The following CLIC5 variants were observed in gnomAD, a reference collection of about 807,000 sequenced individuals.
The protein encoded by CLIC5 is CLIC family member 5.
A neutral mutation model predicts 24.7 loss-of-function variants in CLIC5; 20 were observed. The ratio of observed to expected loss-of-function variants is 0.81; its 90% CI spans 0.57 to 1.18. The LOEUF is 1.18. CLIC5 is among the 50% of genes most tolerant of loss of function. CLIC5 has a pLI of 0.00. For synonymous variants in CLIC5, 159 were observed against 135.6 expected, an observed-to-expected ratio of 1.17 and a Z score of -1.20; for missense variants, 341 against 326.1, an observed-to-expected ratio of 1.05 and a Z score of -0.35.
intron 1 of CLIC5, among the ~76,000 whole-genome samples, chr6:45,956,688 G>A (rs1002521703): frequency 5.3e-5 from 8 of 152,088 alleles, no homozygotes; most frequent in Admixed American, 4.6e-4. Flanking sequence ...TGGAACTTTT[G>A]ACAGTGTTGG....
At chr6:46,089,172 C>T in the CLIC5 span, among the ~76,000 whole-genome samples, 2 of 152,056 alleles carry the variant, frequency 1.3e-5, no homozygotes, top group East Asian at 3.9e-4. Flanking sequence ...GAAAAAGCAA[C>T]CATCAAGGTT....
At chr6:45,927,506 G>A (rs570106439) in intron 4 of CLIC5, among the ~76,000 whole-genome samples, 19 of 152,260 alleles carry the variant, frequency 1.2e-4, no homozygotes, top group African/African-American at 4.6e-4. Context: ...CCCTCTATTT[G>A]TCTAAAAGCA....
At chr6:46,001,392 T>C (rs1766352650) in intron 1 of CLIC5, among the ~76,000 whole-genome samples, 1 of 152,144 alleles carries the variant, frequency 6.6e-6, no homozygotes, top group Non-Finnish European at 1.5e-5. Context: ...GCCTCTCCCC[T>C]CATGTTGCAC....
intron 4 of CLIC5, among the ~76,000 whole-genome samples, chr6:45,936,435 C>A (rs1490137253): frequency 6.6e-6 from 1 of 152,032 alleles, no homozygotes; most frequent in Non-Finnish European, 1.5e-5. Context: ...GAACTCCCAA[C>A]CTCCGGTCAT....
chr6:45,994,700 CA>C (rs1480055069), intron 1 of CLIC5, among the ~76,000 whole-genome samples: 1 of 152,142 alleles, frequency 6.6e-6, no homozygotes, highest in Non-Finnish European at 1.5e-5. Context: ...TAAATCTGGG[CA>C]AGTAAAGGAA....
chr6:45,995,754 G>T (rs1766111404), intron 1 of CLIC5, among the ~76,000 whole-genome samples: 1 of 152,046 alleles, frequency 6.6e-6, no homozygotes, highest in Non-Finnish European at 1.5e-5. Context: ...AAGAAATGTG[G>T]TACACATACA....
chr6:46,037,340 G>A (rs1398737670), intron 1 of CLIC5, among the ~76,000 whole-genome samples: 2 of 152,118 alleles, frequency 1.3e-5, no homozygotes, highest in East Asian at 3.8e-4. Flanking sequence ...TGTATTGTTG[G>A]GTGGAAAGGG....
intron 1 of CLIC5, among the ~76,000 whole-genome samples, chr6:46,055,526 C>T (rs546382777): frequency 6.6e-6 from 1 of 152,372 alleles, no homozygotes; most frequent in South Asian, 2.1e-4. Flanking sequence ...GCGTGAGCCA[C>T]CGCGCCAGGC....
At chr6:46,073,635 T>C (rs1204636753) in intron 1 of CLIC5, among the ~76,000 whole-genome samples, 1 of 152,234 alleles carries the variant, frequency 6.6e-6, no homozygotes, top group East Asian at 1.9e-4. Context: ...GAACATTCTA[T>C]TACTCTTGGT....
chr6:46,084,969 G>A (rs550965196), upstream of CLIC5, among the ~76,000 whole-genome samples: 26 of 152,142 alleles, frequency 1.7e-4, no homozygotes, highest in Middle Eastern at 3.4e-3. Context: ...GGCTTTGTTC[G>A]TTTCTTTTTA....
intron 4 of CLIC5, among the ~76,000 whole-genome samples, chr6:45,926,182 C>T (rs1247802534): frequency 2.0e-5 from 3 of 150,456 alleles, no homozygotes; most frequent in Admixed American, 1.3e-4. Flanking sequence ...AACATATATA[C>T]ACACACACAC....
the CLIC5 span, among the ~76,000 whole-genome samples, chr6:46,120,037 A>G: frequency 6.6e-6 from 1 of 152,076 alleles, no homozygotes; most frequent in Non-Finnish European, 1.5e-5. Flanking sequence ...GGCAGCAAAA[A>G]CCTCTGCAGA....
intron 5 of CLIC5, chr6:45,912,432 A>G: frequency 8.6e-7 from 1 of 1,166,078 alleles, no homozygotes; most frequent in Non-Finnish European, 1.1e-6. Flanking sequence ...GGCTTGGGAG[A>G]TTCATTTGTT....
intron 3 of CLIC5, among the ~76,000 whole-genome samples, chr6:45,943,149 G>C (rs1482679894): frequency 2.0e-5 from 3 of 152,250 alleles, no homozygotes; most frequent in Admixed American, 6.5e-5. Flanking sequence ...GTGGCATAGA[G>C]AGGTTAAGCA....
the CLIC5 span, among the ~76,000 whole-genome samples, chr6:46,108,278 A>G: frequency 6.6e-6 from 1 of 152,020 alleles, no homozygotes; most frequent in Admixed American, 6.6e-5. Flanking sequence ...AATATTCATA[A>G]GAGATAGTAA....
At position 46,024,751 on chromosome 6, in the gene CLIC5, G is replaced by T. The variant is rs192995352; in HGVS notation, c.540+54952C>A. 2.6e-4 allele frequency among the ~76,000 whole-genome samples: 39 copies of T among 152,324 alleles called. 1 individual carries two copies. Among genetic ancestry groups the T allele is most frequent in the Non-Finnish European group, 4.3e-4 (29 of 68,024 alleles). On this transcript the variant is annotated intron_variant, in intron 1 of 5. Coordinates refer to the CLIC5 transcript ENST00000185206. The stretch of plus-strand genomic sequence containing the variant: ...AATCTGTATAGAGGGCTGTAGGCAA[G>T]AGGTGGTCTATATGATAGAAAAAAG...
the CLIC5 span, among the ~76,000 whole-genome samples, chr6:46,094,786 T>C: frequency 1.3e-5 from 2 of 152,272 alleles, no homozygotes; most frequent in East Asian, 3.9e-4. Context: ...TGGAGGACAG[T>C]GGCCATCCTC....
At chr6:46,010,441 C>A (rs1555216) in intron 1 of CLIC5, among the ~76,000 whole-genome samples, 64,740 of 152,002 alleles carry the variant, frequency 0.43, 13,989 homozygotes, top group Middle Eastern at 0.56. Flanking sequence ...CTGGTGAACC[C>A]GAGCCTGACA....
chr6:46,061,113 G>A (rs542378058), intron 1 of CLIC5, among the ~76,000 whole-genome samples: 1 of 152,270 alleles, frequency 6.6e-6, no homozygotes, highest in South Asian at 2.1e-4. Context: ...TTTTTATTAT[G>A]GAATAAGAAC....
Sources: gnomAD v4.1 joint callset for allele counts (sites outside exome capture counted in the v4.1 genomes callset) on GRCh38, gnomAD v4.1.1 for gene constraint, MANE v1.5 for transcripts, NCBI Gene and HGNC (gene_info 2026-07-23, HGNC 2026-07-21) for gene names.